The following MNAT1 variants were observed in gnomAD, a reference collection of about 807,000 sequenced individuals.
MNAT1 encodes CDK-activating kinase assembly factor MAT1.
Under a neutral mutation model 42.0 loss-of-function variants are expected in MNAT1, and 43 were observed. The observed-to-expected ratio is 1.02, with a 90% confidence interval of 0.80 to 1.32. The LOEUF (loss-of-function observed/expected upper bound fraction) is 1.32. Ranked by LOEUF, MNAT1 falls within the 40% of genes most tolerant of loss-of-function variation. MNAT1 has a pLI of 0.00. For missense variants in MNAT1, 306 were observed against 350.4 expected, an observed-to-expected ratio of 0.87 and a Z score of 1.01; for synonymous variants, 118 against 120.0, an observed-to-expected ratio of 0.98 and a Z score of 0.11.
chr14:60,767,299 T>G (rs1373969447), intron 1 of MNAT1, among the ~76,000 whole-genome samples: 1 of 152,230 alleles, frequency 6.6e-6, no homozygotes, highest in Admixed American at 6.5e-5. Flanking sequence ...TTCAGGTTAC[T>G]CTGCAAACCT....
intron 6 of MNAT1, among the ~76,000 whole-genome samples, chr14:60,835,271 G>A (rs1294414263): frequency 6.6e-6 from 1 of 152,094 alleles, no homozygotes; most frequent in Non-Finnish European, 1.5e-5. Context: ...ACATTGTTAT[G>A]TGTGAATTTG....
At chr14:60,738,523 G>A (rs1896374146) in intron 1 of MNAT1, among the ~76,000 whole-genome samples, 1 of 151,688 alleles carries the variant, frequency 6.6e-6, no homozygotes, top group African/African-American at 2.4e-5. Flanking sequence ...CCAAAGTGCT[G>A]GGATTACAGG....
At chr14:60,812,240 C>T in intron 5 of MNAT1, 113 bp downstream of exon 5, 6 of 1,058,510 alleles carry the variant, frequency 5.7e-6, no homozygotes, top group Non-Finnish European at 7.8e-6. Context: ...TAATCTGGTT[C>T]ACCTTTAGTT....
At chr14:60,912,853 C>G (rs929351482) in intron 7 of MNAT1, among the ~76,000 whole-genome samples, 2 of 152,108 alleles carry the variant, frequency 1.3e-5, no homozygotes, top group South Asian at 2.1e-4. Flanking sequence ...TCTGTATTTC[C>G]TGAATTTGAA....
intron 7 of MNAT1, among the ~76,000 whole-genome samples, chr14:60,947,232 A>G (rs1477293514): frequency 6.6e-6 from 1 of 152,120 alleles, no homozygotes; most frequent in African/African-American, 2.4e-5. Flanking sequence ...CTAGGACCCC[A>G]ACATATAAAA....
chr14:60,865,732 A>G (rs2034189066), intron 6 of MNAT1, among the ~76,000 whole-genome samples: 1 of 152,064 alleles, frequency 6.6e-6, no homozygotes. Flanking sequence ...AAATAAACAA[A>G]ATATTTTTCT....
intron 7 of MNAT1, among the ~76,000 whole-genome samples, chr14:60,892,198 GT>G (rs1192024179): frequency 6.6e-6 from 1 of 151,984 alleles, no homozygotes; most frequent in Non-Finnish European, 1.5e-5. Flanking sequence ...CAAGTCCTCT[GT>G]TTTATTTATC....
Position 60,968,406 on chromosome 14 carries a change from G to T in MNAT1, c.*57G>T, listed in dbSNP as rs1283828000. The T allele has an allele frequency of 6.3e-7, 1 of 1,582,358 alleles. No individual in the cohort carries two copies. The highest frequency in any genetic ancestry group is 1.2e-5 in the South Asian group (1 of 86,946). On this transcript the variant is annotated 3_prime_UTR_variant, in exon 8 of 8. Transcript: ENST00000261245. Reference sequence around the variant, plus strand: ...CCAGGGAGCTAGCAAAAGTAAAGCAGACTTATAAAATTATAGCTATGTGCA... The same window carrying T: ...CCAGGGAGCTAGCAAAAGTAAAGCATACTTATAAAATTATAGCTATGTGCA...
chr14:60,861,368 G>A (rs890852450), intron 6 of MNAT1, among the ~76,000 whole-genome samples: 2 of 151,994 alleles, frequency 1.3e-5, no homozygotes, highest in African/African-American at 4.8e-5. Flanking sequence ...CCTTAGAACT[G>A]GAACAATAAG....
chr14:60,929,168 A>G (rs376889479), intron 7 of MNAT1, among the ~76,000 whole-genome samples: 1 of 86,150 alleles, frequency 1.2e-5, no homozygotes, highest in South Asian at 3.6e-4. Context: ...AAAAAAAAAA[A>G]AAATATATAT....
intron 1 of MNAT1, among the ~76,000 whole-genome samples, chr14:60,741,680 T>TTTTTA (rs1555371492): frequency 3.4e-4 from 48 of 141,538 alleles, no homozygotes; most frequent in Non-Finnish European, 6.3e-4. Flanking sequence ...TTTTTTTTTT[T>TTTTTA]AATTTTTAGT....
intron 1 of MNAT1, among the ~76,000 whole-genome samples, chr14:60,746,949 C>T (rs191013315): frequency 0.27 from 8,378 of 31,614 alleles, 1,844 homozygotes; most frequent in Non-Finnish European, 0.51. Context: ...CACACACACA[C>T]ACACACACAC....
intron 1 of MNAT1, among the ~76,000 whole-genome samples, chr14:60,768,476 G>A (rs2030924819): frequency 6.6e-6 from 1 of 152,152 alleles, no homozygotes; most frequent in Non-Finnish European, 1.5e-5. Flanking sequence ...GGTTTTAGGA[G>A]TTATATCTCT....
At position 60,937,992 on chromosome 14, in the gene MNAT1, A is replaced by G. The variant is rs894210943; in HGVS notation, c.810-30237A>G. 1.5e-4 allele frequency among the ~76,000 whole-genome samples: 23 copies of G among 148,700 alleles called. 1 individual carries two copies. The highest frequency in any genetic ancestry group is 8.8e-4 in the Admixed American group (13 of 14,824). ...TAGGTATTTTATTCTCCTTGAAGCA[A>G]TTGTGAATAGGAGTTCACTCATGAT... On this transcript the variant is annotated intron_variant, in intron 7 of 7. Coordinates refer to ENST00000261245, the MANE Select transcript of MNAT1 (RefSeq NM_002431.4).
intron 7 of MNAT1, among the ~76,000 whole-genome samples, chr14:60,942,729 C>T (rs2036194970): frequency 1.3e-5 from 2 of 151,748 alleles, no homozygotes; most frequent in Admixed American, 1.3e-4. Flanking sequence ...AAGAAATGAC[C>T]ACTACAATGC....
chr14:60,753,228 C>G (rs2030178835), intron 1 of MNAT1, among the ~76,000 whole-genome samples: 1 of 152,140 alleles, frequency 6.6e-6, no homozygotes, highest in Non-Finnish European at 1.5e-5. Flanking sequence ...CAAGTTTCAG[C>G]TGGGGCTCTA....
chr14:60,909,364 T>A (rs1329714335), intron 7 of MNAT1, among the ~76,000 whole-genome samples: 2 of 150,340 alleles, frequency 1.3e-5, no homozygotes, highest in African/African-American at 2.5e-5. Context: ...TTTGTTGCCA[T>A]TTTTTTTGGT....
chr14:60,799,426 TA>T, intron 3 of MNAT1: 2 of 982,726 alleles, frequency 2.0e-6, no homozygotes, highest in Non-Finnish European at 2.4e-6. Context: ...AGATACTAAG[TA>T]TAGGACAAGC....
intron 6 of MNAT1, among the ~76,000 whole-genome samples, chr14:60,877,274 C>T (rs1190627047): frequency 6.6e-6 from 1 of 151,940 alleles, no homozygotes; most frequent in Non-Finnish European, 1.5e-5. Flanking sequence ...AATCCTTCGC[C>T]TGTTTTTGGT....
Sources: gnomAD v4.1 joint callset for allele counts (sites outside exome capture counted in the v4.1 genomes callset) on GRCh38, gnomAD v4.1.1 for gene constraint, MANE v1.5 for transcripts, NCBI Gene and HGNC (gene_info 2026-07-23, HGNC 2026-07-21) for gene names.